Variants in PADI1 observed in about 807,000 individuals in gnomAD.
PADI1 encodes the protein protein-arginine deiminase type-1.
PADI1 carries 65 observed loss-of-function variants against 74.8 expected under a neutral mutation model. The observed-to-expected ratio is 0.87, with a 90% CI of 0.71 to 1.07. PADI1 has a LOEUF of 1.07. Among genes scored for constraint, PADI1 ranks in the 50% least tolerant of loss-of-function variants. The pLI is 0.00. For missense variants in PADI1, 943 were observed against 854.0 expected, an observed-to-expected ratio of 1.10 and a Z score of -1.30; for synonymous variants, 371 against 336.2, an observed-to-expected ratio of 1.10 and a Z score of -1.13.
At chr1:17,206,404 A>G (rs74058962) in intron 1 of PADI1, among the ~76,000 whole-genome samples, 10,619 of 152,032 alleles carry the variant, frequency 0.07, 1,169 homozygotes, top group African/African-American at 0.23. Context: ...CTGGGGAGGA[A>G]AACCAGGAGC....
chr1:17,223,055 A>G (rs971414552), intron 2 of PADI1, among the ~76,000 whole-genome samples: 1 of 152,010 alleles, frequency 6.6e-6, no homozygotes, highest in African/African-American at 2.4e-5. Flanking sequence ...GTGGGCTCAG[A>G]CCCCACCTCC....
chr1:17,212,431 C>T (rs1416503727), intron 1 of PADI1, among the ~76,000 whole-genome samples: 1 of 151,286 alleles, frequency 6.6e-6, no homozygotes, highest in Non-Finnish European at 1.5e-5. Context: ...GCACATTGGC[C>T]CCCACCCCCA....
At chr1:17,237,594 G>C in intron 12 of PADI1, 136 bp downstream of exon 12, 1 of 767,688 alleles carries the variant, frequency 1.3e-6, no homozygotes, top group Non-Finnish European at 1.9e-6. Flanking sequence ...TTCTGGGTCA[G>C]GGCACCCTGA....
rs755679599 is a variant in PADI1 at position 17,222,425 on chromosome 1, G to A, written c.228G>A (p.Met76Ile). The change falls in exon 2 of 16, where the codon ATG (methionine) becomes ATA (isoleucine). Residue 76 changes from methionine (M) to isoleucine (I), a missense_variant. Transcript: ENST00000375471. ...ARWPLDTDAD[M>I]VVSVGTASKE... ...GGCCGCTAGACACTGATGCAGACAT[G>A]GTCGTATCTGTGGGCACAGCCAGTA... 6.2e-7 allele frequency: 1 copy of A among 1,614,104 alleles called. No individual in the cohort carries two copies. Among genetic ancestry groups the A allele is most frequent in the South Asian group, 1.1e-5 (1 of 91,086 alleles).
In PADI1 at chr1:17,244,091, G is replaced by T. The variant is rs1372995046; in HGVS notation, c.1840G>T (p.Glu614Ter). 6.2e-7 allele frequency: 1 copy of T among 1,614,244 alleles called. No homozygotes were observed. The highest frequency in any genetic ancestry group is 1.7e-5 in the Admixed American group (1 of 60,028). ...PIINGRCCLE[E>*]KVQSLLEPLG... ...CATCAATGGCCGCTGCTGCCTGGAG[G>T]AGAAGGTGCAGTCCCTGCTGGAGCC... The change falls in exon 16 of 16, where the codon GAG becomes TAG. Residue 614 changes from glutamate to a stop codon, truncating the protein, a stop_gained. Transcript: ENST00000375471. LOFTEE classifies it high-confidence loss of function.
rs1355861041 is a variant in PADI1, at chr1:17,231,253, C to T, written c.1161+574C>T. On this transcript the variant is annotated intron_variant, in intron 10 of 15. Coordinates refer to ENST00000375471, the MANE Select transcript of PADI1 (RefSeq NM_013358.3). ...CTACAGATAAGTGCTATCATTATTT[C>T]CTCTTTATGGATGAGGAAATCAAGG... Among the ~76,000 whole-genome samples the T allele has an allele frequency of 3.3e-5, 5 of 152,146 alleles. No homozygotes were observed. In the South Asian group the frequency reaches 8.3e-4, roughly 25 times the overall value.
At chr1:17,233,024 A>C (rs2072540932) in intron 11 of PADI1, 54 bp downstream of exon 11, 2 of 1,437,320 alleles carry the variant, frequency 1.4e-6, no homozygotes, top group Non-Finnish European at 9.3e-7. Context: ...TGCAGCATCC[A>C]CCCTCCCTGT....
chr1:17,217,110 A>T (rs1025377578), intron 1 of PADI1, among the ~76,000 whole-genome samples: 1 of 152,052 alleles, frequency 6.6e-6, no homozygotes, highest in Non-Finnish European at 1.5e-5. Flanking sequence ...CGCTGGGGCC[A>T]GCCGCACTCT....
rs1018725220 is a variant in PADI1, at chr1:17,223,444, G to A, written c.274-177G>A. The A allele has an allele frequency of 1.0e-5, 6 of 597,542 alleles. No homozygotes were observed. In the South Asian group the frequency reaches 1.2e-4, roughly 12 times the overall value. The allele number at this position is 597,542 out of a possible 1,614,324, so 37.0% of individuals were successfully genotyped here. A position where few individuals can be genotyped will look rare whatever the true frequency, so the allele number is the denominator to read the frequency against. ...AGGTGGGCTCCACAGCCACTTGCTG[G>A]AGAAGGTAGCTCTGAATCCCAGCCG... is the stretch of plus-strand genomic sequence containing the variant. On this transcript the variant is annotated intron_variant, in intron 2 of 15. Transcript: ENST00000375471.
rs1184495659 is a variant in PADI1 at position 17,221,175 on chromosome 1, G to A, written c.93-1115G>A. ...TAGATCTCCACTCAAGTGCAGATGGGCTTGAATCCCCCTGCAGAGTGGCAG... is the reference window on the plus strand; with the variant it reads ...TAGATCTCCACTCAAGTGCAGATGGACTTGAATCCCCCTGCAGAGTGGCAG... On this transcript the variant is annotated intron_variant, in intron 1 of 15. Transcript: ENST00000375471. 5.3e-5 allele frequency among the ~76,000 whole-genome samples: 8 copies of A among 152,196 alleles called. 1 individual carries two copies. The highest frequency in any genetic ancestry group is 4.6e-4 in the Admixed American group (7 of 15,292).
intron 4 of PADI1, 111 bp downstream of exon 4, chr1:17,224,539 A>T (rs2293915): frequency 0.53 from 444,989 of 847,460 alleles, 119,174 homozygotes; most frequent in Middle Eastern, 0.62. Flanking sequence ...CAGGGTCTGT[A>T]GTATCCAACC....
chr1:17,230,688 C>G lies in PADI1; in HGVS notation c.1161+9C>G. On this transcript the variant is annotated intron_variant, in intron 10 of 15. Transcript: ENST00000375471. ...CCTATAAGAGGATCCTGGTACGTAG[C>G]GACAGGTAGAGTGCAGAAACCCTGG... is the stretch of plus-strand genomic sequence containing the variant. 8 of 1,522,752 alleles carry G rather than the reference C, an allele frequency of 5.3e-6. No homozygotes were observed. Among genetic ancestry groups the G allele is most frequent in the African/African-American group, 1.4e-5 (1 of 73,190 alleles). 94.3% of individuals were successfully genotyped at this position (1,522,752 alleles called of 1,614,324 possible). A position where few individuals can be genotyped will look rare whatever the true frequency, so the allele number is the denominator to read the frequency against.
intron 11 of PADI1, among the ~76,000 whole-genome samples, chr1:17,235,261 G>GGGAGGGAAGGAA (rs2072607493): frequency 1.4e-5 from 1 of 72,978 alleles, no homozygotes; most frequent in African/African-American, 6.4e-5. Context: ...GAGGGAGGAA[G>GGGAGGGAAGGAA]GGAAGGAAGG....
rs578021729 is a variant in PADI1 at position 17,237,989 on chromosome 1, T to C, written c.1458+531T>C. Among the ~76,000 whole-genome samples, 6 of 152,318 alleles carry C rather than the reference T, an allele frequency of 3.9e-5. No individual in the cohort carries two copies. The South Asian group carries it at 8.3e-4, about 21-fold the overall frequency. On this transcript the variant is annotated intron_variant, in intron 12 of 15. Transcript: ENST00000375471. ...TCCCAGTGACCAGTGGTTACAGCTC[T>C]GCTAGGGACAGCTCTGACAGTGAAG...
rs1364965108 is a variant in PADI1 at position 17,244,511 on chromosome 1, G to A, written c.*268G>A. On this transcript the variant is annotated 3_prime_UTR_variant, in exon 16 of 16. Transcript: ENST00000375471. The stretch of plus-strand genomic sequence containing the variant: ...CAGAGGCTCTAGATCAACAATGTTA[G>A]CATGTTCCAGAATGGCTGTGGGAGG... 1.8e-6 allele frequency: 1 copy of A among 559,588 alleles called. No homozygotes were observed. Among genetic ancestry groups the A allele is most frequent in the South Asian group, 1.5e-5 (1 of 65,242 alleles). 34.7% of individuals were successfully genotyped at this position (559,588 alleles called of 1,614,324 possible).
At chr1:17,218,530 C>T (rs2072040707) in intron 1 of PADI1, among the ~76,000 whole-genome samples, 1 of 152,114 alleles carries the variant, frequency 6.6e-6, no homozygotes, top group Non-Finnish European at 1.5e-5. Flanking sequence ...GACAGGTGAT[C>T]ATCTGGGCCA....
At chr1:17,229,624 G>A (rs2072428891) in intron 8 of PADI1, among the ~76,000 whole-genome samples, 2 of 152,342 alleles carry the variant, frequency 1.3e-5, no homozygotes, top group Admixed American at 6.5e-5. Flanking sequence ...AGGCTGGGAA[G>A]GGTGTGGCCA....
intron 1 of PADI1, among the ~76,000 whole-genome samples, 194 bp downstream of exon 1, chr1:17,205,503 C>T (rs2071660103): frequency 6.6e-6 from 1 of 152,072 alleles, no homozygotes; most frequent in African/African-American, 2.4e-5. Flanking sequence ...GGCCCCAGCT[C>T]CTGGGCACTG....
intron 11 of PADI1, among the ~76,000 whole-genome samples, chr1:17,234,622 G>A (rs953276176): frequency 6.6e-6 from 1 of 152,180 alleles, no homozygotes; most frequent in African/African-American, 2.4e-5. Flanking sequence ...GCTGAGGCTT[G>A]GAAAAGTTAA....
Sources: gnomAD v4.1 joint callset for allele counts (sites outside exome capture counted in the v4.1 genomes callset) on GRCh38, gnomAD v4.1.1 for gene constraint, MANE v1.5 for transcripts, NCBI Gene and HGNC (gene_info 2026-07-23, HGNC 2026-07-21) for gene names.